Variants in CADM2 observed in about 807,000 individuals in gnomAD.
CADM2 encodes cell adhesion molecule 2.
A neutral mutation model predicts 49.8 loss-of-function variants in CADM2; 12 were observed. The observed-to-expected ratio is 0.24, with a 90% CI of 0.15 to 0.39. CADM2 has a LOEUF of 0.39. Among genes scored for constraint, CADM2 ranks in the 10% least tolerant of loss-of-function variants. The pLI is 1.00. For synonymous variants in CADM2, 214 were observed against 175.4 expected, an observed-to-expected ratio of 1.22 and a Z score of -1.74; for missense variants, 378 against 492.3, an observed-to-expected ratio of 0.77 and a Z score of 2.20.
chr3:85,364,777 C>T (rs1214577187), intron 1 of CADM2, among the ~76,000 whole-genome samples: 1 of 152,120 alleles, frequency 6.6e-6, no homozygotes, highest in Non-Finnish European at 1.5e-5. Flanking sequence ...AGCATCCTGG[C>T]AGACAGATGC....
intron 1 of CADM2, among the ~76,000 whole-genome samples, chr3:85,326,989 T>C (rs942203106): frequency 3.9e-5 from 6 of 152,168 alleles, no homozygotes; most frequent in Non-Finnish European, 8.8e-5. Flanking sequence ...GAAATGTCTC[T>C]TATTCTACCA....
intron 1 of CADM2, among the ~76,000 whole-genome samples, chr3:84,984,151 C>T (rs927365282): frequency 6.6e-6 from 1 of 151,586 alleles, no homozygotes; most frequent in African/African-American, 2.4e-5. Flanking sequence ...GATATCTACG[C>T]CTGAGCTGTT....
intron 1 of CADM2, among the ~76,000 whole-genome samples, chr3:85,386,626 GT>G (rs762274529): frequency 2.9e-4 from 44 of 152,262 alleles, no homozygotes; most frequent in Non-Finnish European, 3.4e-4. Flanking sequence ...CTTAAACCTT[GT>G]TGTGGGTTAG....
At chr3:85,018,787 TTC>T (rs1576045179) in intron 1 of CADM2, among the ~76,000 whole-genome samples, 1 of 152,188 alleles carries the variant, frequency 6.6e-6, no homozygotes, top group Non-Finnish European at 1.5e-5. Flanking sequence ...TAAAAATAAA[TTC>T]TGTCATTTAA....
intron 3 of CADM2, among the ~76,000 whole-genome samples, chr3:85,875,339 AT>A (rs1199903299): frequency 6.6e-6 from 1 of 152,178 alleles, no homozygotes; most frequent in African/African-American, 2.4e-5. Context: ...ATAAAATAAC[AT>A]TTTGATAATA....
chr3:85,387,750 T>C (rs879912814), intron 1 of CADM2, among the ~76,000 whole-genome samples: 2 of 152,196 alleles, frequency 1.3e-5, no homozygotes, highest in Non-Finnish European at 2.9e-5. Context: ...ATTACATAAT[T>C]TAATGTGTGA....
intron 1 of CADM2, among the ~76,000 whole-genome samples, chr3:85,724,513 C>G (rs115562086): frequency 1.2e-3 from 187 of 151,200 alleles, no homozygotes; most frequent in African/African-American, 4.1e-3. Flanking sequence ...AAACCACAAA[C>G]CTGTTGATAA....
chr3:84,968,638 C>T (rs1220664859), intron 1 of CADM2, among the ~76,000 whole-genome samples: 2 of 152,058 alleles, frequency 1.3e-5, no homozygotes, highest in African/African-American at 4.8e-5. Flanking sequence ...TTCTAAATAA[C>T]AGATACTGCT....
At chr3:85,292,560 G>A (rs1276377702) in intron 1 of CADM2, among the ~76,000 whole-genome samples, 1 of 151,940 alleles carries the variant, frequency 6.6e-6, no homozygotes, top group Non-Finnish European at 1.5e-5. Flanking sequence ...CTCAGCAAAT[G>A]TAAAAGAACT....
At chr3:86,040,013 G>C (rs945952183) in intron 8 of CADM2, among the ~76,000 whole-genome samples, 1 of 152,210 alleles carries the variant, frequency 6.6e-6, no homozygotes, top group Non-Finnish European at 1.5e-5. Flanking sequence ...CAGACCTGCA[G>C]CTGAGGGTCC....
In CADM2 at chr3:85,224,670, T is replaced by C. The variant is rs555627613; in HGVS notation, c.61+265002T>C. The stretch of plus-strand genomic sequence containing the variant: ...CTTTTGGTGTTTTAGTCATGAAGTC[T>C]TTGCCCATCCCTATGCCCTGAATAG... On this transcript the variant is annotated intron_variant, in intron 1 of 9. Transcript: ENST00000383699. Among the ~76,000 whole-genome samples the C allele has an allele frequency of 2.0e-5, 3 of 152,280 alleles. No individual in the cohort carries two copies. The South Asian group carries it at 6.2e-4, about 32-fold the overall frequency.
rs546181159 is a variant in CADM2, at chr3:85,339,367, G to A, written c.61+379699G>A. 3.3e-5 allele frequency among the ~76,000 whole-genome samples: 5 copies of A among 151,344 alleles called. No individual in the cohort carries two copies. The South Asian group carries it at 1.0e-3, about 31-fold the overall frequency. ...AGAATATAACTCTGAAAGAACAAGTGTAATATCATATAACACATATTAATT... is the reference window on the plus strand; with the variant it reads ...AGAATATAACTCTGAAAGAACAAGTATAATATCATATAACACATATTAATT... On this transcript the variant is annotated intron_variant, in intron 1 of 9. Transcript: ENST00000383699.
intron 6 of CADM2, among the ~76,000 whole-genome samples, chr3:85,919,348 C>A (rs1186752063): frequency 6.6e-6 from 1 of 151,644 alleles, no homozygotes; most frequent in African/African-American, 2.4e-5. Flanking sequence ...CATGTACACC[C>A]AAAAAATTCT....
chr3:85,265,662 A>G (rs79039411), intron 1 of CADM2, among the ~76,000 whole-genome samples: 7,477 of 152,094 alleles, frequency 0.049, 509 homozygotes, highest in African/African-American at 0.15. Flanking sequence ...TTAAATTCCC[A>G]ACACATGAAC....
chr3:85,724,106 C>T (rs2067602659), intron 1 of CADM2, among the ~76,000 whole-genome samples: 1 of 151,572 alleles, frequency 6.6e-6, no homozygotes, highest in African/African-American at 2.4e-5. Context: ...AACATTTTAC[C>T]AAGGAATCCA....
At chr3:85,809,180 T>G (rs2108113297) in intron 3 of CADM2, among the ~76,000 whole-genome samples, 1 of 152,372 alleles carries the variant, frequency 6.6e-6, no homozygotes, top group South Asian at 2.1e-4. Flanking sequence ...CATGTTTACC[T>G]TTTGTCTTTG....
intron 1 of CADM2, among the ~76,000 whole-genome samples, chr3:85,554,359 T>C (rs2061895007): frequency 6.6e-6 from 1 of 152,172 alleles, no homozygotes; most frequent in South Asian, 2.1e-4. Context: ...GCGCACCTCC[T>C]GCTGTGTCGC....
intron 3 of CADM2, among the ~76,000 whole-genome samples, chr3:85,849,373 G>A (rs2075004347): frequency 6.6e-6 from 1 of 152,128 alleles, no homozygotes; most frequent in South Asian, 2.1e-4. Context: ...ACTGTTTACT[G>A]AATTAGCTAT....
At chr3:85,811,156 T>C (rs914787679) in intron 3 of CADM2, among the ~76,000 whole-genome samples, 3 of 152,186 alleles carry the variant, frequency 2.0e-5, no homozygotes, top group African/African-American at 7.2e-5. Context: ...AATTTCCATA[T>C]TTGATATTAT....
Sources: gnomAD v4.1 joint callset for allele counts (sites outside exome capture counted in the v4.1 genomes callset) on GRCh38, gnomAD v4.1.1 for gene constraint, MANE v1.5 for transcripts, NCBI Gene and HGNC (gene_info 2026-07-23, HGNC 2026-07-21) for gene names.